The following P4HA2 variants were observed in gnomAD, a reference collection of about 807,000 sequenced individuals.
P4HA2 encodes the protein prolyl 4-hydroxylase subunit alpha 2.
In P4HA2, 46 loss-of-function variants were observed where a neutral mutation model predicts 76.9. The observed-to-expected ratio is 0.60, with a 90% CI of 0.47 to 0.76. P4HA2 has a LOEUF of 0.76. Ranked by LOEUF, P4HA2 falls within the 30% of genes least tolerant of loss-of-function variation. The probability of loss-of-function intolerance (pLI) is 0.00; values close to 1 mark genes in which losing one functional copy is unlikely to be tolerated. For missense variants in P4HA2, 583 were observed against 669.4 expected, an observed-to-expected ratio of 0.87 and a Z score of 1.42; for synonymous variants, 243 against 254.0, an observed-to-expected ratio of 0.96 and a Z score of 0.41.
chr5:132,206,925 C>T (rs1367194726), intron 8 of P4HA2, among the ~76,000 whole-genome samples: 1 of 152,208 alleles, frequency 6.6e-6, no homozygotes, highest in Non-Finnish European at 1.5e-5. Flanking sequence ...CAACCACTAG[C>T]TGCAATCTGT....
rs565155305 is a variant in P4HA2, at chr5:132,198,168, G to A, written c.1365+153C>T. On this transcript the variant is annotated intron_variant, in intron 12 of 14. Coordinates refer to ENST00000360568, the MANE Select transcript of P4HA2 (RefSeq NM_001017974.2). ...GATATAAGGCAGCCCTCTGGACCCA[G>A]GGTCCCCTTAGGGCTCATCAGCACA... 1.5e-5 allele frequency: 25 copies of A among 1,613,486 alleles called. No homozygotes were observed. In the South Asian group the frequency reaches 2.6e-4, roughly 17 times the overall value.
At chr5:132,223,127 A>G (rs1269510147) in intron 1 of P4HA2, among the ~76,000 whole-genome samples, 1 of 152,202 alleles carries the variant, frequency 6.6e-6, no homozygotes, top group African/African-American at 2.4e-5. Context: ...TCCTCTCACT[A>G]TCTCCAGACT....
intron 2 of P4HA2, 95 bp downstream of exon 2, chr5:132,218,450 G>A (rs1488984802): frequency 1.2e-6 from 1 of 829,860 alleles, no homozygotes; most frequent in African/African-American, 1.7e-5. Context: ...AGTAGTTAAG[G>A]CTATCCCACT....
chr5:132,217,175 G>A (rs756550777), intron 4 of P4HA2, 22 bp downstream of exon 4: 1 of 1,610,794 alleles, frequency 6.2e-7, no homozygotes, highest in South Asian at 1.1e-5. Flanking sequence ...GCTCACTCAA[G>A]CACCTGCTCA....
chr5:132,225,438 A>G (rs1755241443), intron 1 of P4HA2, among the ~76,000 whole-genome samples: 1 of 152,084 alleles, frequency 6.6e-6, no homozygotes, highest in Non-Finnish European at 1.5e-5. Context: ...CAGAGTGAAA[A>G]AGGGAGGCCT....
chr5:132,217,552 A>T (rs283763), intron 3 of P4HA2, 200 bp downstream of exon 3: 141,407 of 635,898 alleles, frequency 0.22, 18,298 homozygotes, highest in South Asian at 0.39. Flanking sequence ...TGTAAGGGAA[A>T]AGGTCTTAAA....
chr5:132,204,161 A>G lies in P4HA2; in HGVS notation c.1081-9T>C, dbSNP rs767815648. ...ACGGTGGCTCGTGCAAGCTAGAAGG[A>G]AGGAGGAGAGGGAAGACTTGATTTG... On this transcript the variant is annotated splice_polypyrimidine_tract_variant and intron_variant, in intron 8 of 14. Transcript: ENST00000360568. 3 of 1,606,792 alleles carry G rather than the reference A, an allele frequency of 1.9e-6. No homozygotes were observed. Among genetic ancestry groups the G allele is most frequent in the African/African-American group, 1.3e-5 (1 of 74,932 alleles).
At chr5:132,201,446 G>A (rs189199253) in intron 10 of P4HA2, 1 of 152,346 alleles carries the variant, frequency 6.6e-6, no homozygotes, top group Non-Finnish European at 1.5e-5. Context: ...GCTGTTGCTG[G>A]TGCCTAGGCA....
intron 5 of P4HA2, among the ~76,000 whole-genome samples, chr5:132,213,183 T>C (rs934058280): frequency 6.6e-6 from 1 of 152,230 alleles, no homozygotes; most frequent in African/African-American, 2.4e-5. Flanking sequence ...ATCTGTCAAA[T>C]GCTGCTGGGA....
intron 1 of P4HA2, among the ~76,000 whole-genome samples, chr5:132,220,832 T>C (rs538567884): frequency 6.6e-6 from 1 of 152,250 alleles, no homozygotes; most frequent in East Asian, 1.9e-4. Context: ...CACAGGTAAT[T>C]ACAGATGACT....
intron 5 of P4HA2, among the ~76,000 whole-genome samples, chr5:132,213,188 C>G (rs1753331192): frequency 6.6e-6 from 1 of 152,166 alleles, no homozygotes; most frequent in African/African-American, 2.4e-5. Flanking sequence ...TCAAATGCTG[C>G]TGGGAAGTTA....
In P4HA2 at chr5:132,219,076, T is replaced by C. The variant is rs1754301121; in HGVS notation, c.-18-432A>G. Among the ~76,000 whole-genome samples, 9 of 152,232 alleles carry C rather than the reference T, an allele frequency of 5.9e-5. No individual in the cohort carries two copies. In the South Asian group the frequency reaches 1.9e-3, roughly 32 times the overall value. ...TGCCAGGTTTTGGGGAACCAGTCCC[T>C]GCCCACAAGGAGGCAACAGTACATG... On this transcript the variant is annotated intron_variant, in intron 1 of 14. Transcript: ENST00000360568.
At chr5:132,210,643 G>A (rs1752952476) in intron 5 of P4HA2, 120 bp from the exon 6 acceptor site, 31 of 964,946 alleles carry the variant, frequency 3.2e-5, no homozygotes, top group Admixed American at 5.3e-5. Context: ...GAACTCCATC[G>A]GACATTTAGA....
rs201223748 is a variant in P4HA2 at position 132,210,298 on chromosome 5, C to T, written c.695G>A (p.Arg232His). 362 of 1,614,072 alleles carry T rather than the reference C, an allele frequency of 2.2e-4. No individual in the cohort carries two copies. The highest frequency in any genetic ancestry group is 2.9e-4 in the Non-Finnish European group (343 of 1,179,992). The change falls in exon 6 of 15, where the codon CGC (arginine) becomes CAC (histidine). Residue 232 changes from arginine (R) to histidine (H), a missense_variant. Physicochemically the swap from Arg to His is conservative, Grantham distance 29 (BLOSUM62 0). Transcript: ENST00000360568. ...AATCTCCTTACCAAGGGAGAGCAGG[C>T]GGCGGGTGAGCTCCAGGGCACGGTG... Reference protein sequence around the residue: ...DLHRALELTRRLLSLDPSHER... With the variant: ...DLHRALELTRHLLSLDPSHER...
intron 11 of P4HA2, 79 bp downstream of exon 11, chr5:132,198,800 G>C: frequency 9.9e-7 from 1 of 1,009,108 alleles, no homozygotes; most frequent in South Asian, 1.3e-5. Context: ...TGTGGAGGCT[G>C]AAATGCTCCT....
In P4HA2 at chr5:132,205,720, A is replaced by G. The variant is rs2126569553; in HGVS notation, c.1081-1568T>C. The stretch of plus-strand genomic sequence containing the variant: ...CATGATCTGGTAAGATGGCCAGCAC[A>G]AGCAGGACAGACGGCTCCCAAGCTC... On this transcript the variant is annotated intron_variant, in intron 8 of 14. Transcript: ENST00000360568. Among the ~76,000 whole-genome samples the G allele has an allele frequency of 1.3e-5, 2 of 152,268 alleles. 1 individual carries two copies. The highest frequency in any genetic ancestry group is 6.8e-3 in the Middle Eastern group (2 of 294).
Position 132,203,219 on chromosome 5 carries a change from C to T in P4HA2, c.1251+529G>A, listed in dbSNP as rs190844319. ...CAAGTTCCCTAATAAATGCTGTGGA[C>T]TGAAGACCCAGGGGTTTAGTGCCGC... On this transcript the variant is annotated intron_variant, in intron 10 of 14. Coordinates refer to ENST00000360568, the MANE Select transcript of P4HA2 (RefSeq NM_001017974.2). 2.1e-3 allele frequency: 320 copies of T among 155,990 alleles called. 1 individual carries two copies. The highest frequency in any genetic ancestry group is 3.4e-3 in the Middle Eastern group (1 of 296). 9.7% of individuals were successfully genotyped at this position (155,990 alleles called of 1,614,324 possible). A position where few individuals can be genotyped will look rare whatever the true frequency, so the allele number is the denominator to read the frequency against.
In P4HA2 at chr5:132,194,991, C is replaced by T. The variant is rs746731286; in HGVS notation, c.1466G>A (p.Arg489Gln). 4.3e-6 allele frequency: 7 copies of T among 1,613,312 alleles called. No homozygotes were observed. The highest frequency in any genetic ancestry group is 3.3e-5 in the Admixed American group (2 of 59,994). ...GTAVFWYNLL[R>Q]SGEGDYRTRH... Reference sequence around the variant, plus strand: ...TGTTCGGTAGTCACCTTCCCCGCTCCGCAAGAGGTTGTACCAGAACACAGC... The same window carrying T: ...TGTTCGGTAGTCACCTTCCCCGCTCTGCAAGAGGTTGTACCAGAACACAGC... The change falls in exon 14 of 15, where the codon CGG (arginine) becomes CAG (glutamine). Residue 489 changes from arginine (R) to glutamine (Q), a missense_variant. Physicochemically the swap from Arg to Gln is conservative, Grantham distance 43. Transcript: ENST00000360568.
intron 4 of P4HA2, among the ~76,000 whole-genome samples, chr5:132,215,011 A>C (rs1753641930): frequency 1.3e-5 from 2 of 152,226 alleles, no homozygotes; most frequent in South Asian, 4.1e-4. Context: ...AGAGGGGAAC[A>C]ACAAGGCCAT....
Sources: allele counts gnomAD v4.1 joint callset (sites outside exome capture counted in the v4.1 genomes callset), GRCh38; gene constraint gnomAD v4.1.1; transcripts MANE v1.5; gene names NCBI Gene and HGNC (gene_info 2026-07-23, HGNC 2026-07-21).